SUSD5: variants seen among roughly 807,000 people sequenced by gnomAD.
SUSD5 encodes sushi domain containing 5.
SUSD5 carries 33 observed loss-of-function variants against 29.5 expected under a neutral mutation model. That is an observed-to-expected ratio of 1.12 (90% CI 0.85 to 1.49). SUSD5 has a LOEUF of 1.49. Among genes scored for constraint, SUSD5 ranks in the 40% most tolerant of loss-of-function variants. The probability of loss-of-function intolerance (pLI) is 0.00; values close to 1 mark genes in which losing one functional copy is unlikely to be tolerated. For missense variants in SUSD5, 776 were observed against 800.6 expected (o/e 0.97, Z 0.37); for synonymous variants, 308 against 325.3 (o/e 0.95, Z 0.57).
chr3:33,181,167 TG>T (rs2031663941), intron 3 of SUSD5, among the ~76,000 whole-genome samples: 3 of 152,082 alleles, frequency 2.0e-5, no homozygotes, highest in Non-Finnish European at 4.4e-5. Context: ...TTATTACTGA[TG>T]AAAAAATATT....
chr3:33,210,299 CAGTG>C (rs1167423377), intron 2 of SUSD5, among the ~76,000 whole-genome samples: 5 of 152,180 alleles, frequency 3.3e-5, no homozygotes, highest in Non-Finnish European at 5.9e-5. Flanking sequence ...GTTCACTGTA[CAGTG>C]TACTGTGTCC....
chr3:33,218,213 T>C (rs1383994290), intron 1 of SUSD5, among the ~76,000 whole-genome samples: 1 of 152,212 alleles, frequency 6.6e-6, no homozygotes. Flanking sequence ...TCTCTCTCTC[T>C]TAGCCTCGCT....
rs1304987650 is a variant in SUSD5, at chr3:33,151,271, A to C, written c.*1471T>G. The stretch of plus-strand genomic sequence containing the variant: ...GGACTAGAGAATTTGCATCTCCAAC[A>C]AATTCCCAGGTGACGCTGATGCTAC... On this transcript the variant is annotated 3_prime_UTR_variant, in exon 5 of 5. Coordinates refer to ENST00000309558, the MANE Select transcript of SUSD5 (RefSeq NM_015551.2). The C allele has an allele frequency of 6.6e-6, 1 of 152,180 alleles. No homozygotes were observed. Among genetic ancestry groups the C allele is most frequent in the African/African-American group, 2.4e-5 (1 of 41,440 alleles). The allele number at this position is 152,180 out of a possible 1,614,324, so 9.4% of individuals were successfully genotyped here. A position where few individuals can be genotyped will look rare whatever the true frequency, so the allele number is the denominator to read the frequency against.
intron 3 of SUSD5, among the ~76,000 whole-genome samples, chr3:33,199,423 G>A (rs927882865): frequency 5.9e-5 from 9 of 152,080 alleles, no homozygotes; most frequent in African/African-American, 1.9e-4. Context: ...ACAGGCACCC[G>A]CCACCACGCC....
chr3:33,193,277 G>C (rs1291694054), intron 3 of SUSD5, among the ~76,000 whole-genome samples: 1 of 152,166 alleles, frequency 6.6e-6, no homozygotes, highest in East Asian at 1.9e-4. Context: ...CATTGTAGAC[G>C]ATGCATTGAG....
At chr3:33,214,687 T>C (rs568470625) in intron 1 of SUSD5, among the ~76,000 whole-genome samples, 12 of 152,240 alleles carry the variant, frequency 7.9e-5, no homozygotes, top group Admixed American at 1.3e-4. Context: ...CACATTAATA[T>C]ATGGACATGT....
intron 3 of SUSD5, among the ~76,000 whole-genome samples, chr3:33,179,839 C>T (rs911572377): frequency 1.3e-5 from 2 of 152,040 alleles, no homozygotes; most frequent in African/African-American, 4.8e-5. Context: ...ACATTTTGGT[C>T]AAGGAGGAAC....
At position 33,200,399 on chromosome 3, in the gene SUSD5, G is replaced by T. The variant is rs78220525; in HGVS notation, c.409+7409C>A. Among the ~76,000 whole-genome samples, 911 of 152,314 alleles carry T rather than the reference G, an allele frequency of 6.0e-3. 7 individuals carry two copies. The highest frequency in any genetic ancestry group is 0.021 in the African/African-American group (871 of 41,562). On this transcript the variant is annotated intron_variant, in intron 3 of 4. Coordinates refer to ENST00000309558, the MANE Select transcript of SUSD5 (RefSeq NM_015551.2). ...GCTGTAACAAATACCTAAAAATATG[G>T]ATTCAGCTTTGGAATTAACAGGTAG... is the stretch of plus-strand genomic sequence containing the variant.
chr3:33,181,955 C>T (rs2031680743), intron 3 of SUSD5, among the ~76,000 whole-genome samples: 1 of 152,166 alleles, frequency 6.6e-6, no homozygotes, highest in Non-Finnish European at 1.5e-5. Context: ...TCAATGAATA[C>T]TGTATTTCTT....
Position 33,178,618 on chromosome 3 carries a change from T to C in SUSD5, c.410-3544A>G, listed in dbSNP as rs370289857. On this transcript the variant is annotated intron_variant, in intron 3 of 4. Transcript: ENST00000309558. ...CCCACCACCACGCCCGGCTAATTTT[T>C]TGTATTTTTAGTAGAGACAGGGTTT... 2.0e-5 allele frequency among the ~76,000 whole-genome samples: 3 copies of C among 152,262 alleles called. No individual in the cohort carries two copies. The East Asian group carries it at 5.8e-4, about 29-fold the overall frequency.
chr3:33,193,065 A>G (rs4603910), intron 3 of SUSD5, among the ~76,000 whole-genome samples: 130,318 of 151,968 alleles, frequency 0.86, 56,043 homozygotes, highest in East Asian at 1. Context: ...TTGAAATAAT[A>G]GCAATAAGTT....
chr3:33,175,365 G>A (rs1440145040), intron 3 of SUSD5, among the ~76,000 whole-genome samples: 1 of 152,122 alleles, frequency 6.6e-6, no homozygotes, highest in Non-Finnish European at 1.5e-5. Flanking sequence ...TGAAAGGAGG[G>A]TCTGGAGATA....
At chr3:33,169,231 T>C (rs1201503333) in intron 4 of SUSD5, among the ~76,000 whole-genome samples, 1 of 152,170 alleles carries the variant, frequency 6.6e-6, no homozygotes, top group African/African-American at 2.4e-5. Context: ...TTTATACTTT[T>C]TTTTTTGGAA....
chr3:33,153,893 G>C lies in SUSD5; in HGVS notation c.739C>G (p.Gln247Glu), dbSNP rs765267609. ...ACAGAAATGGAGACCAGACGGTCCT[G>C]TTTTGGAGCCTCCTCAGAGGAGTCT... ...QGDSSEEAPK[Q>E]DRLVSISVGR... The change falls in exon 5 of 5, where the codon CAG becomes GAG. Residue 247 changes from glutamine to glutamate, a missense_variant. Physicochemically the swap from Gln to Glu is conservative, Grantham distance 29. Transcript: ENST00000309558. The C allele has an allele frequency of 3.4e-5, 55 of 1,614,016 alleles. No homozygotes were observed. Among genetic ancestry groups the C allele is most frequent in the Non-Finnish European group, 4.6e-5 (54 of 1,179,884 alleles).
At chr3:33,194,290 A>G (rs2031953598) in intron 3 of SUSD5, among the ~76,000 whole-genome samples, 2 of 152,176 alleles carry the variant, frequency 1.3e-5, no homozygotes, top group African/African-American at 2.4e-5. Context: ...GATTTGAGTA[A>G]TAATAAAACT....
At chr3:33,164,416 C>T (rs557735373) in intron 4 of SUSD5, among the ~76,000 whole-genome samples, 32 of 152,110 alleles carry the variant, frequency 2.1e-4, no homozygotes, top group Admixed American at 3.9e-4. Flanking sequence ...AGATCTGTTT[C>T]GTAACAATGT....
chr3:33,166,058 T>C (rs540615673), intron 4 of SUSD5, among the ~76,000 whole-genome samples: 17 of 151,798 alleles, frequency 1.1e-4, no homozygotes, highest in African/African-American at 3.9e-4. Flanking sequence ...CTGTGTAATA[T>C]TGTGCATGTG....
intron 4 of SUSD5, among the ~76,000 whole-genome samples, chr3:33,164,114 CAGTGAG>C (rs1450413852): frequency 6.6e-6 from 1 of 152,070 alleles, no homozygotes; most frequent in Admixed American, 6.6e-5. Flanking sequence ...GTGGAGGTTG[CAGTGAG>C]CCAAGATCTT....
rs560273398 is a variant in SUSD5 at position 33,150,345 on chromosome 3, G to T, written c.*2397C>A. ...TTTGTAATAAATTTATTAATACACT[G>T]TATTAATAATTTGTAATAAATTTAT... is the stretch of plus-strand genomic sequence containing the variant. On this transcript the variant is annotated 3_prime_UTR_variant, in exon 5 of 5. Transcript: ENST00000309558. 6.6e-6 allele frequency: 1 copy of T among 151,948 alleles called. No individual in the cohort carries two copies. The highest frequency in any genetic ancestry group is 2.1e-4 in the South Asian group (1 of 4,812). The allele number at this position is 151,948 out of a possible 1,614,324, so 9.4% of individuals were successfully genotyped here.
Sources: allele counts gnomAD v4.1 joint callset (sites outside exome capture counted in the v4.1 genomes callset), GRCh38; gene constraint gnomAD v4.1.1; transcripts MANE v1.5; gene names NCBI Gene and HGNC (gene_info 2026-07-23, HGNC 2026-07-21).